Variants in SSX1 observed in about 807,000 individuals in gnomAD.
SSX1 encodes protein SSX1.
A neutral mutation model predicts 14.6 loss-of-function variants in SSX1; 58 were observed. That is an observed-to-expected ratio of 3.96 (90% CI 3.21 to 4.93). SSX1 has a LOEUF of 4.93. Ranked by LOEUF, SSX1 falls within the 30% of genes most tolerant of loss-of-function variation. The pLI, the probability that SSX1 is intolerant of heterozygous loss-of-function variation, is 0.00. For synonymous variants in SSX1, 46 were observed against 52.1 expected, an observed-to-expected ratio of 0.88 and a Z score of 0.50; for missense variants, 272 against 143.1, an observed-to-expected ratio of 1.90 and a Z score of -4.60.
At chrX:48,258,185 CTTT>C (rs1201912440) in intron 3 of SSX1, among the ~76,000 whole-genome samples, 11 of 72,935 alleles carry the variant, frequency 1.5e-4, no homozygotes, top group African/African-American at 3.5e-4. Context: ...CTCTCTCTCC[CTTT>C]TTTTTTTTTT....
intron 4 of SSX1, among the ~76,000 whole-genome samples, chrX:48,259,368 C>T (rs1189653713): frequency 8.9e-6 from 1 of 111,774 alleles, no homozygotes; most frequent in African/African-American, 3.2e-5. Flanking sequence ...TGTTGAGATG[C>T]GACTGAACTC....
intron 4 of SSX1, among the ~76,000 whole-genome samples, chrX:48,259,425 T>C (rs1312259353): frequency 9.3e-6 from 1 of 107,759 alleles, no homozygotes; most frequent in Non-Finnish European, 1.9e-5. Flanking sequence ...ATTTCTTTTT[T>C]AAAAGACATG....
At chrX:48,257,589 CTAGGG>C in intron 2 of SSX1, 152 bp from the exon 3 acceptor site, 5 of 752,200 alleles carry the variant, frequency 6.6e-6, no homozygotes, top group Non-Finnish European at 7.8e-6. Context: ...ACGGGAGAAG[CTAGGG>C]TAGGTCCCCC....
intron 5 of SSX1, among the ~76,000 whole-genome samples, chrX:48,262,730 T>A (rs1322397053): frequency 6.3e-5 from 7 of 111,963 alleles, no homozygotes; most frequent in Non-Finnish European, 1.3e-4. Flanking sequence ...AGAAAGGTAT[T>A]CAATGTTATT....
In SSX1 at chrX:48,258,565, T is replaced by C; in HGVS notation, c.214T>C (p.Cys72Arg). The change falls in exon 4 of 8, where the codon TGT (cysteine) becomes CGT (arginine). Residue 72 changes from cysteine (C) to arginine (R), a missense_variant. By Grantham distance (180) the Cys-to-Arg change is radical. Transcript: ENST00000376919. Reference protein sequence around the residue: ...GFKVTLPPFMCNKQATDFQGN... With the variant: ...GFKVTLPPFMRNKQATDFQGN... ...CAAAGTCACCCTCCCACCTTTCATG[T>C]GTAATAAACAGGCCACAGACTTCCA... is the stretch of plus-strand genomic sequence containing the variant. 1 of 1,209,033 alleles carries C rather than the reference T, an allele frequency of 8.3e-7. No individual in the cohort carries two copies. The highest frequency in any genetic ancestry group is 2.2e-5 in the Admixed American group (1 of 45,848).
In SSX1 at chrX:48,263,780, A is replaced by G; in HGVS notation, c.331-2A>G. 1 of 1,211,634 alleles carries G rather than the reference A, an allele frequency of 8.3e-7. No homozygotes were observed. Among genetic ancestry groups the G allele is most frequent in the Non-Finnish European group, 1.1e-6 (1 of 895,289 alleles). Reference sequence around the variant, plus strand: ...TTTATCTGTAACCTTCACATTATAAAGATCATGCCCAAGAAGCCAGCAGAG... The same window carrying G: ...TTTATCTGTAACCTTCACATTATAAGGATCATGCCCAAGAAGCCAGCAGAG... On this transcript the variant is annotated splice_acceptor_variant, in intron 5 of 7. Transcript: ENST00000376919. LOFTEE classifies it high-confidence loss of function.
intron 6 of SSX1, among the ~76,000 whole-genome samples, chrX:48,264,807 A>G (rs1192597846): frequency 8.9e-6 from 1 of 112,775 alleles, no homozygotes; most frequent in Middle Eastern, 4.2e-3. Context: ...TCTACTTCCG[A>G]TAAAAGGCTG....
In SSX1 at chrX:48,257,801, A is replaced by G. The variant is rs782785818; in HGVS notation, c.125A>G (p.Tyr42Cys). 3 of 1,208,166 alleles carry G rather than the reference A, an allele frequency of 2.5e-6. No individual in the cohort carries two copies. The highest frequency in any genetic ancestry group is 3.5e-5 in the South Asian group (2 of 56,628). The change falls in exon 3 of 8, where the codon TAC becomes TGC. Residue 42 changes from tyrosine (Y) to cysteine (C), a missense_variant. By Grantham distance (194) the Tyr-to-Cys change is radical (BLOSUM62 -2). Coordinates refer to ENST00000376919, the MANE Select transcript of SSX1 (RefSeq NM_005635.4). ...FSKKEWKKMK[Y>C]SEKISYVYMK... ...AAGAAAGAGTGGAAAAAGATGAAAT[A>G]CTCGGAGAAAATCAGCTATGTGTAT... is the stretch of plus-strand genomic sequence containing the variant.
At chrX:48,266,522 G>A in intron 7 of SSX1, 131 bp downstream of exon 7, 1 of 1,095,010 alleles carries the variant, frequency 9.1e-7, no homozygotes, top group Non-Finnish European at 1.2e-6. Flanking sequence ...CAGCATTGAG[G>A]CTGAATGATG....
intron 4 of SSX1, 24 bp from the exon 5 acceptor site, chrX:48,261,742 A>G: frequency 8.3e-7 from 1 of 1,209,928 alleles, no homozygotes. Flanking sequence ...CAACAAAGAA[A>G]AATTCTGATG....
Position 48,266,872 on chromosome X carries a change from T to G in SSX1, c.*23T>G, listed in dbSNP as rs2059625769. 9.0e-7 allele frequency: 1 copy of G among 1,112,084 alleles called. No homozygotes were observed. Among genetic ancestry groups the G allele is most frequent in the Non-Finnish European group, 1.2e-6 (1 of 818,395 alleles). 91.6% of individuals were successfully genotyped at this position (1,112,084 alleles called of 1,213,427 possible). ...GCCTCAGCCTGGGGGATACGACACATGCCCTTGATGAGAAGCAGAACGTGG... is the reference window on the plus strand; with the variant it reads ...GCCTCAGCCTGGGGGATACGACACAGGCCCTTGATGAGAAGCAGAACGTGG... On this transcript the variant is annotated 3_prime_UTR_variant, in exon 8 of 8. Coordinates refer to ENST00000376919, the MANE Select transcript of SSX1 (RefSeq NM_005635.4).
Position 48,255,416 on chromosome X carries a change from A to G in SSX1, c.-37A>G, listed in dbSNP as rs2059576890. The stretch of plus-strand genomic sequence containing the variant: ...CACCACTGCTGCCGACCTCGCAACC[A>G]CTGCTTTGTCTCTGAAGTAGGTTCT... On this transcript the variant is annotated 5_prime_UTR_variant, in exon 1 of 8. Transcript: ENST00000376919. The G allele has an allele frequency of 9.0e-6, 1 of 110,623 alleles. No individual in the cohort carries two copies. The highest frequency in any genetic ancestry group is 3.9e-4 in the South Asian group (1 of 2,562). 9.1% of individuals were successfully genotyped at this position (110,623 alleles called of 1,213,427 possible). A position where few individuals can be genotyped will look rare whatever the true frequency, so the allele number is the denominator to read the frequency against.
intron 6 of SSX1, among the ~76,000 whole-genome samples, chrX:48,264,310 A>G (rs1487247436): frequency 1.8e-5 from 2 of 112,105 alleles, no homozygotes; most frequent in Non-Finnish European, 3.8e-5. Flanking sequence ...CTGATACCCA[A>G]TACAGGTGTA....
At position 48,263,891 on chromosome X, in the gene SSX1, T is replaced by A; in HGVS notation, c.440T>A (p.Ile147Asn). The A allele has an allele frequency of 4.1e-6, 5 of 1,211,086 alleles. No homozygotes were observed. The highest frequency in any genetic ancestry group is 5.6e-6 in the Non-Finnish European group (5 of 895,308). ...KQLHPPGKANISEKINKRSGP... is the reference protein window; with the variant it reads ...KQLHPPGKANNSEKINKRSGP... Reference sequence around the variant, plus strand: ...CTGCACCCCCCAGGAAAAGCAAATATTTCTGAGAAGATTAATAAGAGATCT... The same window carrying A: ...CTGCACCCCCCAGGAAAAGCAAATAATTCTGAGAAGATTAATAAGAGATCT... Residue 147 changes from isoleucine (I) to asparagine (N), a missense_variant, in exon 6 of 8, where the codon ATT becomes AAT. Transcript: ENST00000376919.
intron 5 of SSX1, among the ~76,000 whole-genome samples, chrX:48,263,254 G>A (rs1383515546): frequency 3.6e-5 from 4 of 111,213 alleles, no homozygotes; most frequent in African/African-American, 1.3e-4. Context: ...AGGGTGGTAT[G>A]CCAGATCTGG....
At chrX:48,256,286 G>A (rs1308858054) in intron 1 of SSX1, among the ~76,000 whole-genome samples, 18 of 107,647 alleles carry the variant, frequency 1.7e-4, no homozygotes, top group African/African-American at 5.4e-4. Context: ...GCACCACCCC[G>A]CCCCCACTAA....
chrX:48,263,003 G>A (rs1330329078), intron 5 of SSX1, among the ~76,000 whole-genome samples: 2 of 110,376 alleles, frequency 1.8e-5, no homozygotes, highest in East Asian at 2.9e-4. Flanking sequence ...GCGTGGTAGC[G>A]CCTGCCTGTA....
chrX:48,256,077 C>T (rs12853926), intron 1 of SSX1, among the ~76,000 whole-genome samples: 2 of 106,456 alleles, frequency 1.9e-5, no homozygotes, highest in African/African-American at 6.9e-5. Context: ...TTATGTTGGC[C>T]GAACTGGGCT....
At chrX:48,266,105 A>G (rs782567157) in intron 6 of SSX1, among the ~76,000 whole-genome samples, 182 bp from the exon 7 acceptor site, 1 of 112,006 alleles carries the variant, frequency 8.9e-6, no homozygotes, top group East Asian at 2.8e-4. Context: ...ATTAATTGGT[A>G]TTTGTCGTGT....
Sources: allele counts gnomAD v4.1 joint callset (sites outside exome capture counted in the v4.1 genomes callset), GRCh38; gene constraint gnomAD v4.1.1; transcripts MANE v1.5; gene names NCBI Gene and HGNC (gene_info 2026-07-23, HGNC 2026-07-21).